TULP3: variants seen among roughly 807,000 people sequenced by gnomAD.
The protein encoded by TULP3 is TUB like protein 3, also known as tubby-related protein 3.
Under a neutral mutation model 50.7 loss-of-function variants are expected in TULP3, and 38 were observed. That is an observed-to-expected ratio of 0.75 (90% CI 0.58 to 0.98). The LOEUF is 0.98. Ranked by LOEUF, TULP3 falls within the 50% of genes least tolerant of loss-of-function variation. The pLI, the probability that TULP3 is intolerant of heterozygous loss-of-function variation, is 0.00. For synonymous variants in TULP3, 183 were observed against 196.6 expected (o/e 0.93, Z 0.58); for missense variants, 550 against 568.0 (o/e 0.97, Z 0.32).
intron 4 of TULP3, 35 bp from the exon 5 acceptor site, chr12:2,930,212 TG>T: frequency 7.0e-7 from 1 of 1,424,710 alleles, no homozygotes; most frequent in Non-Finnish European, 9.8e-7. Context: ...TTTTAAACAG[TG>T]TTGGCAGTGC....
intron 1 of TULP3, among the ~76,000 whole-genome samples, chr12:2,900,798 C>A (rs1754549973): frequency 6.6e-6 from 1 of 151,526 alleles, no homozygotes; most frequent in African/African-American, 2.4e-5. Flanking sequence ...ATAGCTCAAC[C>A]TCCTGGGCTC....
At position 2,938,114 on chromosome 12, in the gene TULP3, A is replaced by G. The variant is rs143103362; in HGVS notation, c.1024A>G (p.Asn342Asp). ...HKQIPYQPQN[N>D]HDSLLSRWQN... Reference sequence around the variant, plus strand: ...AAGTAATGATTTTCCCTTTGGACAGAACCATGACAGTTTGCTCTCAAGGTG... The same window carrying G: ...AAGTAATGATTTTCCCTTTGGACAGGACCATGACAGTTTGCTCTCAAGGTG... Residue 342 changes from asparagine (N) to aspartate (D), a missense_variant and splice_region_variant, in exon 10 of 11, where the codon AAC becomes GAC. Coordinates refer to ENST00000448120, the MANE Select transcript of TULP3 (RefSeq NM_003324.5). 34 of 1,614,090 alleles carry G rather than the reference A, an allele frequency of 2.1e-5. No individual in the cohort carries two copies. The African/African-American group carries it at 4.1e-4, about 20-fold the overall frequency.
At position 2,931,052 on chromosome 12, in the gene TULP3, G is replaced by A. The variant is rs774419359; in HGVS notation, c.508G>A (p.Gly170Ser). 52 of 1,613,954 alleles carry A rather than the reference G, an allele frequency of 3.2e-5. No homozygotes were observed. In the East Asian group the frequency reaches 1.1e-3, roughly 33 times the overall value. Residue 170 changes from glycine (G) to serine (S), a missense_variant, in exon 6 of 11, where the codon GGT (glycine) becomes AGT (serine). By Grantham distance (56) the Gly-to-Ser change is moderately conservative. Transcript: ENST00000448120. ...GTCCTTTCAGGATACAGGCACTTCC[G>A]GTTCTGCTACTGCCGCCCAACCAGC... ...SQNSTDTGTS[G>S]SATAAQPADN...
chr12:2,928,571 G>A (rs188060451), intron 4 of TULP3, among the ~76,000 whole-genome samples: 226 of 151,792 alleles, frequency 1.5e-3, no homozygotes, highest in African/African-American at 4.9e-3. Flanking sequence ...AATGCTGAGG[G>A]GAATAAAACT....
At chr12:2,936,402 G>T (rs1386921183) in intron 8 of TULP3, among the ~76,000 whole-genome samples, 2 of 151,692 alleles carry the variant, frequency 1.3e-5, no homozygotes, top group Non-Finnish European at 2.9e-5. Flanking sequence ...AATATGTGTT[G>T]GTGCTGACAA....
intron 1 of TULP3, among the ~76,000 whole-genome samples, chr12:2,903,250 A>G (rs1009443489): frequency 2.0e-5 from 3 of 152,138 alleles, no homozygotes; most frequent in African/African-American, 7.2e-5. Flanking sequence ...TTGAAAATGT[A>G]TATTTTCTTT....
intron 10 of TULP3, among the ~76,000 whole-genome samples, chr12:2,938,868 T>C (rs1387503367): frequency 1.3e-5 from 2 of 152,196 alleles, no homozygotes; most frequent in South Asian, 2.1e-4. Context: ...CTGGCAGCTC[T>C]AGCCTGCGGA....
In TULP3 at chr12:2,931,744, T is replaced by C. The variant is rs373429420; in HGVS notation, c.696+504T>C. On this transcript the variant is annotated intron_variant, in intron 6 of 10. Transcript: ENST00000448120. ...ATTAATTTTGTATTAATACCAGGTC[T>C]TAACAGATGATTTTAAGAGCCTAGA... 1.8e-4 allele frequency among the ~76,000 whole-genome samples: 27 copies of C among 152,304 alleles called. No homozygotes were observed. In the South Asian group the frequency reaches 5.0e-3, roughly 28 times the overall value.
intron 1 of TULP3, among the ~76,000 whole-genome samples, chr12:2,893,913 G>C (rs1166211304): frequency 6.6e-6 from 1 of 151,892 alleles, no homozygotes; most frequent in Admixed American, 6.6e-5. Flanking sequence ...CAAAGTGCTG[G>C]GATTACAGGT....
chr12:2,933,580 C>T (rs1407674113), intron 7 of TULP3, 50 bp downstream of exon 7: 1 of 1,153,528 alleles, frequency 8.7e-7, no homozygotes, highest in South Asian at 1.3e-5. Context: ...AGTCTTATTC[C>T]TATAGTTGCA....
At chr12:2,906,262 C>T (rs1235861567) in intron 1 of TULP3, among the ~76,000 whole-genome samples, 1 of 148,864 alleles carries the variant, frequency 6.7e-6, no homozygotes, top group East Asian at 2.0e-4. Context: ...GAACTCCTGA[C>T]CTCGTGATCC....
intron 1 of TULP3, 133 bp downstream of exon 1, chr12:2,891,121 TCGGCGGC>T: frequency 1.7e-6 from 2 of 1,152,096 alleles, no homozygotes; most frequent in Non-Finnish European, 2.3e-6. Context: ...GGGACTGGTT[TCGGCGGC>T]GGGAGGCGAC....
chr12:2,928,422 C>G (rs1036710599), intron 4 of TULP3, among the ~76,000 whole-genome samples: 1 of 151,742 alleles, frequency 6.6e-6, no homozygotes, highest in African/African-American at 2.4e-5. Context: ...CCCAGCTACT[C>G]GAGAAGCTGA....
At chr12:2,895,321 A>C (rs2098174894) in intron 1 of TULP3, among the ~76,000 whole-genome samples, 1 of 152,172 alleles carries the variant, frequency 6.6e-6, no homozygotes, top group African/African-American at 2.4e-5. Flanking sequence ...ATGGATGTTC[A>C]TTCCCTGGCT....
chr12:2,921,201 C>T (rs912531624), intron 3 of TULP3, among the ~76,000 whole-genome samples: 15 of 152,156 alleles, frequency 9.9e-5, no homozygotes, highest in South Asian at 4.2e-4. Context: ...TGCAATGGCG[C>T]GATCTTGGCT....
chr12:2,920,659 C>G, intron 2 of TULP3, 104 bp from the exon 3 acceptor site: 1 of 1,369,232 alleles, frequency 7.3e-7, no homozygotes, highest in Non-Finnish European at 1.0e-6. Context: ...AAATAATTTA[C>G]AAGATGTTTT....
chr12:2,903,086 T>C (rs2098180136), intron 1 of TULP3, among the ~76,000 whole-genome samples: 1 of 151,750 alleles, frequency 6.6e-6, no homozygotes, highest in Non-Finnish European at 1.5e-5. Context: ...GGTCTCGAAC[T>C]CCTGACCTCA....
intron 4 of TULP3, among the ~76,000 whole-genome samples, chr12:2,929,735 T>G (rs946535361): frequency 6.6e-6 from 1 of 151,826 alleles, no homozygotes; most frequent in African/African-American, 2.4e-5. Context: ...GGACTACAGG[T>G]GCGTGCCACC....
At chr12:2,922,235 TAAAA>T (rs1382125900) in intron 3 of TULP3, 23 bp from the exon 4 acceptor site, 4 of 1,604,582 alleles carry the variant, frequency 2.5e-6, no homozygotes, top group African/African-American at 1.3e-5. Flanking sequence ...GCTCCTTTTT[TAAAA>T]TTCATTTTAT....
Sources: allele counts gnomAD v4.1 joint callset (sites outside exome capture counted in the v4.1 genomes callset), GRCh38; gene constraint gnomAD v4.1.1; transcripts MANE v1.5; gene names NCBI Gene and HGNC (gene_info 2026-07-23, HGNC 2026-07-21).